The following DLG2 variants were observed in gnomAD, a reference collection of about 807,000 sequenced individuals.
The protein encoded by DLG2 is discs large MAGUK scaffold protein 2.
DLG2 carries 45 observed loss-of-function variants against 132.5 expected under a neutral mutation model. The observed-to-expected ratio is 0.34, with a 90% CI of 0.27 to 0.44. DLG2 has a LOEUF of 0.44. Ranked by LOEUF, DLG2 falls within the 20% of genes least tolerant of loss-of-function variation. The pLI, the probability that DLG2 is intolerant of heterozygous loss-of-function variation, is 1.00. For synonymous variants in DLG2, 424 were observed against 419.6 expected (o/e 1.01, Z -0.13); for missense variants, 1,045 against 1,196.9 (o/e 0.87, Z 1.87).
chr11:83,776,557 T>C (rs2094590050), intron 18 of DLG2, among the ~76,000 whole-genome samples: 1 of 152,204 alleles, frequency 6.6e-6, no homozygotes, highest in Non-Finnish European at 1.5e-5. Context: ...GCAAATCTGA[T>C]CTTGCCAGCC....
intron 4 of DLG2, among the ~76,000 whole-genome samples, chr11:85,188,282 G>C (rs908343805): frequency 3.9e-5 from 6 of 152,180 alleles, no homozygotes; most frequent in Non-Finnish European, 7.3e-5. Flanking sequence ...GTGACCCATA[G>C]AAAGCCAGGA....
intron 6 of DLG2, among the ~76,000 whole-genome samples, chr11:84,699,294 C>T (rs972045205): frequency 6.6e-6 from 1 of 151,528 alleles, no homozygotes; most frequent in Non-Finnish European, 1.5e-5. Flanking sequence ...TAGAAATTTA[C>T]TTAACTTGAA....
chr11:85,295,085 T>C (rs1210570756), intron 3 of DLG2, among the ~76,000 whole-genome samples: 1 of 152,182 alleles, frequency 6.6e-6, no homozygotes, highest in Non-Finnish European at 1.5e-5. Context: ...ATAGCACTTA[T>C]ACTCCCAAAC....
At chr11:84,871,109 C>T (rs2154041888) in intron 6 of DLG2, among the ~76,000 whole-genome samples, 1 of 152,288 alleles carries the variant, frequency 6.6e-6, no homozygotes, top group South Asian at 2.1e-4. Flanking sequence ...TCTCTGCCTT[C>T]AACTACTCAA....
chr11:83,909,826 C>T (rs1180472527), intron 15 of DLG2, among the ~76,000 whole-genome samples: 1 of 152,140 alleles, frequency 6.6e-6, no homozygotes, highest in East Asian at 1.9e-4. Context: ...GGCTTATCTT[C>T]TGTTCCAATC....
At chr11:83,797,531 T>A (rs1182901127) in intron 17 of DLG2, among the ~76,000 whole-genome samples, 1 of 152,060 alleles carries the variant, frequency 6.6e-6, no homozygotes, top group African/African-American at 2.4e-5. Flanking sequence ...TTTGTTTTTG[T>A]TTTTTGAGAC....
chr11:85,216,459 A>T (rs1298590764), intron 4 of DLG2, among the ~76,000 whole-genome samples: 2 of 152,182 alleles, frequency 1.3e-5, no homozygotes, highest in African/African-American at 4.8e-5. Context: ...CTTTGACAAA[A>T]GCTTTTGACA....
intron 8 of DLG2, among the ~76,000 whole-genome samples, chr11:84,214,989 C>T (rs115336767): frequency 6.6e-6 from 1 of 152,126 alleles, no homozygotes; most frequent in Admixed American, 6.5e-5. Context: ...ATGGCAGAAG[C>T]TATTAGTCAT....
At chr11:84,614,927 C>T (rs2099601360) in intron 6 of DLG2, among the ~76,000 whole-genome samples, 1 of 152,040 alleles carries the variant, frequency 6.6e-6, no homozygotes, top group Admixed American at 6.6e-5. Flanking sequence ...GCTATATGAG[C>T]CCTGCCATGG....
At chr11:85,518,942 TG>T in intron 3 of DLG2, among the ~76,000 whole-genome samples, 1 of 152,222 alleles carries the variant, frequency 6.6e-6, no homozygotes, top group South Asian at 2.1e-4. Flanking sequence ...TTCCACGTGG[TG>T]TTGAGCCTGT....
intron 7 of DLG2, among the ~76,000 whole-genome samples, chr11:84,365,606 G>A (rs1255341991): frequency 6.6e-6 from 1 of 151,624 alleles, no homozygotes; most frequent in Non-Finnish European, 1.5e-5. Context: ...GTGATGTTAG[G>A]GTGTCAATTT....
At chr11:84,060,682 T>A (rs1207325559) in intron 10 of DLG2, among the ~76,000 whole-genome samples, 1 of 152,192 alleles carries the variant, frequency 6.6e-6, no homozygotes, top group Non-Finnish European at 1.5e-5. Context: ...TAATAATGGT[T>A]AAGAGCACGG....
intron 7 of DLG2, among the ~76,000 whole-genome samples, chr11:84,254,751 C>A (rs1292168090): frequency 6.6e-6 from 1 of 151,968 alleles, no homozygotes; most frequent in African/African-American, 2.4e-5. Context: ...AAGTAGAGGA[C>A]AAGAATTTGA....
chr11:84,605,631 T>C (rs1940087), intron 6 of DLG2, among the ~76,000 whole-genome samples: 1 of 151,648 alleles, frequency 6.6e-6, no homozygotes, highest in Non-Finnish European at 1.5e-5. Flanking sequence ...CACTGTCAAT[T>C]GCACCCATTT....
intron 6 of DLG2, among the ~76,000 whole-genome samples, chr11:84,999,425 T>C (rs2058003820): frequency 6.6e-6 from 1 of 152,174 alleles, no homozygotes; most frequent in Non-Finnish European, 1.5e-5. Flanking sequence ...TGGCCTTATA[T>C]AAATTTTAGA....
chr11:85,399,676 G>C lies in DLG2; in HGVS notation c.41-114311C>G, dbSNP rs1365893214. Among the ~76,000 whole-genome samples, 9 of 152,138 alleles carry C rather than the reference G, an allele frequency of 5.9e-5. No individual in the cohort carries two copies. In the East Asian group the frequency reaches 1.7e-3, roughly 29 times the overall value. On this transcript the variant is annotated intron_variant, in intron 3 of 27. Coordinates refer to ENST00000376104, the MANE Select transcript of DLG2 (RefSeq NM_001142699.3). ...GACAAACCTGAGAAAAACAATCAATGGGGAAAGGATTCCCTATTTAATAAA... is the reference window on the plus strand; with the variant it reads ...GACAAACCTGAGAAAAACAATCAATCGGGAAAGGATTCCCTATTTAATAAA...
intron 8 of DLG2, among the ~76,000 whole-genome samples, chr11:84,187,324 G>T (rs2096295212): frequency 6.6e-6 from 1 of 151,806 alleles, no homozygotes; most frequent in South Asian, 2.1e-4. Context: ...ATAAAATGTG[G>T]TTTCTACTTC....
intron 18 of DLG2, among the ~76,000 whole-genome samples, chr11:83,644,430 T>C (rs2067514465): frequency 6.6e-6 from 1 of 152,188 alleles, no homozygotes; most frequent in Non-Finnish European, 1.5e-5. Context: ...ATTGAGAGAA[T>C]TGTTTATACT....
At chr11:84,469,558 A>T (rs1207845133) in intron 7 of DLG2, among the ~76,000 whole-genome samples, 1 of 151,612 alleles carries the variant, frequency 6.6e-6, no homozygotes, top group African/African-American at 2.4e-5. Context: ...CTTTGTTCTC[A>T]TTCTGTATAT....
Sources: gnomAD v4.1 joint callset for allele counts (sites outside exome capture counted in the v4.1 genomes callset) on GRCh38, gnomAD v4.1.1 for gene constraint, MANE v1.5 for transcripts, NCBI Gene and HGNC (gene_info 2026-07-23, HGNC 2026-07-21) for gene names.